Variants in FGF13 observed in about 807,000 individuals in gnomAD.
The protein encoded by FGF13 is fibroblast growth factor 13.
In FGF13, 2 loss-of-function variants were observed where a neutral mutation model predicts 19.5. That is an observed-to-expected ratio of 0.10 (90% CI 0.04 to 0.32). The LOEUF is 0.32. Ranked by LOEUF, FGF13 falls within the 10% of genes least tolerant of loss-of-function variation. The pLI is 1.00. For synonymous variants in FGF13, 72 were observed against 76.9 expected (o/e 0.94, Z 0.33); for missense variants, 113 against 192.7 (o/e 0.59, Z 2.45).
At chrX:138,890,225 G>A (rs191012888) in intron 1 of FGF13, among the ~76,000 whole-genome samples, 14 of 111,679 alleles carry the variant, frequency 1.3e-4, no homozygotes, top group Non-Finnish European at 2.3e-4. Context: ...CACCACGCCC[G>A]GCCTGAACTT....
At chrX:139,138,926 CTTT>C (rs758384021) in intron 1 of FGF13, among the ~76,000 whole-genome samples, 1,755 of 85,497 alleles carry the variant, frequency 0.021, 53 homozygotes, top group African/African-American at 0.071. Flanking sequence ...TGTTATTTAT[CTTT>C]TTTTTTTTTT....
intron 1 of FGF13, among the ~76,000 whole-genome samples, chrX:138,877,122 T>TG (rs1444255226): frequency 9.1e-6 from 1 of 109,363 alleles, no homozygotes; most frequent in Non-Finnish European, 1.9e-5. Flanking sequence ...CAGGGGGTGG[T>TG]GGGGGGTGAG....
chrX:138,782,950 T>C (rs1602843966), intron 3 of FGF13, among the ~76,000 whole-genome samples: 1 of 59,232 alleles, frequency 1.7e-5, no homozygotes, highest in South Asian at 1.4e-3. Flanking sequence ...AGCATGGTAC[T>C]GGTACCAAAA....
chrX:139,092,160 C>T (rs1176714354), intron 1 of FGF13, among the ~76,000 whole-genome samples: 1 of 111,609 alleles, frequency 9.0e-6, no homozygotes, highest in Non-Finnish European at 1.9e-5. Context: ...TGCTTCTCTT[C>T]CATTAAGGCT....
At chrX:138,752,154 C>G (rs746290824) in intron 3 of FGF13, among the ~76,000 whole-genome samples, 30 of 111,873 alleles carry the variant, frequency 2.7e-4, no homozygotes, top group African/African-American at 8.8e-4. Flanking sequence ...CGGCCAGGCG[C>G]GGTGACTCAC....
chrX:139,099,563 C>A (rs889335496), intron 1 of FGF13, among the ~76,000 whole-genome samples: 1 of 110,248 alleles, frequency 9.1e-6, no homozygotes, highest in Admixed American at 9.6e-5. Context: ...ACTTTCTGCC[C>A]TTGAGCCTTT....
intron 3 of FGF13, among the ~76,000 whole-genome samples, chrX:138,657,245 A>G (rs1229726736): frequency 8.9e-6 from 1 of 112,200 alleles, no homozygotes; most frequent in Non-Finnish European, 1.9e-5. Context: ...GAATGAAAAT[A>G]TTTAGTTGAA....
At chrX:138,754,001 C>A (rs1256763320) in intron 3 of FGF13, among the ~76,000 whole-genome samples, 1 of 111,939 alleles carries the variant, frequency 8.9e-6, no homozygotes, top group East Asian at 2.8e-4. Context: ...ATGGGACTCA[C>A]AACTGACAAA....
intron 1 of FGF13, among the ~76,000 whole-genome samples, chrX:138,980,558 G>A (rs1240985104): frequency 9.0e-6 from 1 of 111,263 alleles, no homozygotes; most frequent in Admixed American, 9.6e-5. Flanking sequence ...GCTACAAAAT[G>A]CAATACAATT....
intron 3 of FGF13, among the ~76,000 whole-genome samples, chrX:138,809,493 T>C (rs1238800102): frequency 2.7e-5 from 3 of 111,986 alleles, no homozygotes; most frequent in East Asian, 2.8e-4. Context: ...AATATCATAC[T>C]GAATGGGCAA....
intron 1 of FGF13, among the ~76,000 whole-genome samples, chrX:139,195,584 T>C (rs987969870): frequency 3.6e-5 from 4 of 112,112 alleles, no homozygotes; most frequent in African/African-American, 1.3e-4. Flanking sequence ...CCTACATTAT[T>C]TGGAGCAAGT....
At chrX:139,017,796 A>G (rs1400966138) in intron 1 of FGF13, among the ~76,000 whole-genome samples, 2 of 111,522 alleles carry the variant, frequency 1.8e-5, no homozygotes, top group African/African-American at 6.5e-5. Flanking sequence ...TTGCAGCCTG[A>G]GGTGTATCAT....
At position 138,703,023 on chromosome X, in the gene FGF13, C is replaced by T; in HGVS notation, c.363G>A (p.Leu121=). The change falls in exon 3 of 5, where the codon CTG becomes CTA. Residue 121 remains leucine (L), a synonymous_variant. Coordinates refer to ENST00000315930, the MANE Select transcript of FGF13 (RefSeq NM_004114.5). ...ATCCCTCACTGTTCATTGCCAAGTA[C>T]AGCTTGGTTTGAACTCCTTGGATAG... The part of the protein sequence containing the change: ...VVAIQGVQTK[L]YLAMNSEGYL... 8.3e-7 allele frequency: 1 copy of T among 1,209,667 alleles called. No homozygotes were observed. Among genetic ancestry groups the T allele is most frequent in the Non-Finnish European group, 1.1e-6 (1 of 893,410 alleles).
chrX:138,768,831 C>T (rs1450827805), intron 3 of FGF13, among the ~76,000 whole-genome samples: 2 of 106,557 alleles, frequency 1.9e-5, no homozygotes, highest in East Asian at 2.9e-4. Context: ...CAGCCTACTT[C>T]GTTTTATTTT....
At chrX:138,931,662 G>A (rs542008339) in intron 1 of FGF13, among the ~76,000 whole-genome samples, 28 of 111,762 alleles carry the variant, frequency 2.5e-4, no homozygotes, top group Middle Eastern at 4.7e-3. Context: ...TGTGAATAGA[G>A]TCATCAGCTT....
At chrX:139,026,839 G>A (rs2092202908) in intron 1 of FGF13, among the ~76,000 whole-genome samples, 1 of 111,879 alleles carries the variant, frequency 8.9e-6, no homozygotes, top group African/African-American at 3.2e-5. Flanking sequence ...GCACACCTTG[G>A]CACACTCCTT....
At chrX:138,942,596 G>A (rs2091763613) in intron 1 of FGF13, among the ~76,000 whole-genome samples, 1 of 111,596 alleles carries the variant, frequency 9.0e-6, no homozygotes, top group African/African-American at 3.3e-5. Flanking sequence ...AGGAAGAAAT[G>A]GGCCCTTTTT....
At chrX:139,082,038 C>T (rs1453114190) in intron 1 of FGF13, among the ~76,000 whole-genome samples, 1 of 111,227 alleles carries the variant, frequency 9.0e-6, no homozygotes, top group Admixed American at 9.6e-5. Flanking sequence ...TTGCTTCCCC[C>T]GATCTTTAAG....
At chrX:139,144,551 T>A (rs1371857968) in intron 1 of FGF13, among the ~76,000 whole-genome samples, 1 of 107,294 alleles carries the variant, frequency 9.3e-6, no homozygotes, top group Non-Finnish European at 1.9e-5. Flanking sequence ...TCCTTCCTGG[T>A]CTCCCTGCCC....
Sources: gnomAD v4.1 joint callset for allele counts (sites outside exome capture counted in the v4.1 genomes callset) on GRCh38, gnomAD v4.1.1 for gene constraint, MANE v1.5 for transcripts, NCBI Gene and HGNC (gene_info 2026-07-23, HGNC 2026-07-21) for gene names.